The following CA10 variants were observed in gnomAD, a reference collection of about 807,000 sequenced individuals.
CA10 encodes the protein carbonic anhydrase 10 (inactive), also known as carbonic anhydrase-related protein 10.
CA10 carries 14 observed loss-of-function variants against 44.2 expected under a neutral mutation model. That is an observed-to-expected ratio of 0.32 (90% confidence interval 0.21 to 0.50). The LOEUF (loss-of-function observed/expected upper bound fraction) is 0.50. Among genes scored for constraint, CA10 ranks in the 20% least tolerant of loss-of-function variants. CA10 has a pLI of 0.99. For synonymous variants in CA10, 159 were observed against 141.6 expected (o/e 1.12, Z -0.87); for missense variants, 350 against 409.7 (o/e 0.85, Z 1.26).
At chr17:52,123,859 A>G (rs1043121939) in intron 1 of CA10, among the ~76,000 whole-genome samples, 1 of 152,194 alleles carries the variant, frequency 6.6e-6, no homozygotes, top group Non-Finnish European at 1.5e-5. Context: ...AGGCATCAGG[A>G]TTAGAAAACC....
At chr17:51,721,887 C>T (rs775276166) in intron 4 of CA10, among the ~76,000 whole-genome samples, 13 of 152,054 alleles carry the variant, frequency 8.5e-5, no homozygotes, top group Non-Finnish European at 1.3e-4. Flanking sequence ...GTCGCTGCTC[C>T]TGAGTTGTAT....
intron 3 of CA10, among the ~76,000 whole-genome samples, chr17:51,835,578 C>A (rs566858408): frequency 2.6e-5 from 4 of 152,146 alleles, no homozygotes; most frequent in African/African-American, 9.7e-5. Flanking sequence ...CTAAGAAAGG[C>A]GTTGTTATCT....
At chr17:51,985,135 A>G (rs1984784935) in intron 2 of CA10, among the ~76,000 whole-genome samples, 1 of 152,040 alleles carries the variant, frequency 6.6e-6, no homozygotes, top group South Asian at 2.1e-4. Flanking sequence ...TAGCTAACTG[A>G]ATCCAACAAC....
chr17:51,815,619 C>G (rs1948758617), intron 3 of CA10, among the ~76,000 whole-genome samples: 1 of 152,110 alleles, frequency 6.6e-6, no homozygotes, highest in Non-Finnish European at 1.5e-5. Context: ...TTTTTACCAT[C>G]TGCCGGTAAA....
At chr17:51,874,354 T>G (rs1180792456) in intron 3 of CA10, among the ~76,000 whole-genome samples, 1 of 151,544 alleles carries the variant, frequency 6.6e-6, no homozygotes, top group Non-Finnish European at 1.5e-5. Context: ...CATTAAAAAT[T>G]TCTCATCTGA....
At chr17:52,018,174 G>A (rs958000470) in intron 2 of CA10, among the ~76,000 whole-genome samples, 1 of 152,138 alleles carries the variant, frequency 6.6e-6, no homozygotes, top group Admixed American at 6.5e-5. Flanking sequence ...CAGTATAGAG[G>A]GGAAGTGTGG....
chr17:51,996,817 C>A (rs1985253285), intron 2 of CA10, among the ~76,000 whole-genome samples: 1 of 151,954 alleles, frequency 6.6e-6, no homozygotes, highest in Non-Finnish European at 1.5e-5. Context: ...CAAATGAGAG[C>A]AAAAACTTAC....
chr17:52,121,578 A>G (rs978736515), intron 1 of CA10, among the ~76,000 whole-genome samples: 8 of 152,138 alleles, frequency 5.3e-5, no homozygotes, highest in Admixed American at 2.0e-4. Context: ...CATTTCAAAA[A>G]AAAAGAATTG....
chr17:52,055,213 TAAGGA>T (rs1396964730), intron 2 of CA10, among the ~76,000 whole-genome samples: 1 of 151,976 alleles, frequency 6.6e-6, no homozygotes, highest in African/African-American at 2.4e-5. Context: ...AGGACTATCT[TAAGGA>T]AAGAAGGTAA....
intron 3 of CA10, among the ~76,000 whole-genome samples, chr17:51,925,088 T>C (rs922159164): frequency 6.6e-6 from 1 of 152,110 alleles, no homozygotes; most frequent in African/African-American, 2.4e-5. Context: ...GGGGTCTTAT[T>C]ATGTTGCTCA....
rs181298265 is a variant in CA10, at chr17:51,826,273, A to T, written c.280-78455T>A. 2.0e-5 allele frequency among the ~76,000 whole-genome samples: 3 copies of T among 152,326 alleles called. No homozygotes were observed. The East Asian group carries it at 5.8e-4, about 29-fold the overall frequency. ...CTTTCATGGAGATGACCCTTCTGGGACACCGTCAGCAAAGTTCATCATTGA... is the reference window on the plus strand; with the variant it reads ...CTTTCATGGAGATGACCCTTCTGGGTCACCGTCAGCAAAGTTCATCATTGA... On this transcript the variant is annotated intron_variant, in intron 3 of 8. Transcript: ENST00000451037.
intron 2 of CA10, among the ~76,000 whole-genome samples, chr17:51,933,939 C>T (rs1163647992): frequency 3.3e-5 from 5 of 152,090 alleles, no homozygotes; most frequent in African/African-American, 4.8e-5. Context: ...AAACTTTATG[C>T]GAACATCTGC....
At chr17:52,056,426 G>A (rs774875163) in intron 2 of CA10, among the ~76,000 whole-genome samples, 7 of 152,044 alleles carry the variant, frequency 4.6e-5, no homozygotes, top group Non-Finnish European at 8.8e-5. Flanking sequence ...TCATCAAAAC[G>A]GGTCCTTCAA....
rs1220746380 is a variant in CA10 at position 52,158,060 on chromosome 17, GT to G, written c.-275del. ...CTGCCTTGGAGGTCTCCCCGCTCGCGTGTCTCTTCTCTTCGCACCAGCGGCG... is the reference window on the plus strand; with the variant it reads ...CTGCCTTGGAGGTCTCCCCGCTCGCGGTCTCTTCTCTTCGCACCAGCGGCG... On this transcript the variant is annotated 5_prime_UTR_variant, in exon 1 of 9. An upstream open reading frame in the 5' UTR loses its in-frame stop. Transcript: ENST00000451037. 1.8e-6 allele frequency: 1 copy of G among 540,982 alleles called. No individual in the cohort carries two copies. The highest frequency in any genetic ancestry group is 3.3e-6 in the Non-Finnish European group (1 of 302,678). The allele number at this position is 540,982 out of a possible 1,614,324, so 33.5% of individuals were successfully genotyped here.
At chr17:51,636,895 C>T (rs1247846439) in intron 6 of CA10, among the ~76,000 whole-genome samples, 1 of 150,958 alleles carries the variant, frequency 6.6e-6, no homozygotes, top group African/African-American at 2.4e-5. Context: ...TCTTCTATTA[C>T]TAAATACAGT....
chr17:52,021,280 G>T (rs1392579790), intron 2 of CA10, among the ~76,000 whole-genome samples: 4 of 151,992 alleles, frequency 2.6e-5, no homozygotes, highest in African/African-American at 9.7e-5. Context: ...CTGAGTATAG[G>T]TTTCTTTTTG....
At chr17:51,682,011 T>G (rs146416287) in intron 4 of CA10, among the ~76,000 whole-genome samples, 1 of 152,266 alleles carries the variant, frequency 6.6e-6, no homozygotes, top group Non-Finnish European at 1.5e-5. Flanking sequence ...TGACCATAAA[T>G]CTCCAAGCTC....
chr17:52,066,301 T>A (rs979275895), intron 2 of CA10, among the ~76,000 whole-genome samples: 3 of 152,178 alleles, frequency 2.0e-5, no homozygotes, highest in African/African-American at 4.8e-5. Flanking sequence ...ACTTGTTGAA[T>A]GGCTTTGATC....
chr17:51,889,884 A>G (rs1241879211), intron 3 of CA10, among the ~76,000 whole-genome samples: 4 of 152,230 alleles, frequency 2.6e-5, no homozygotes, highest in African/African-American at 9.6e-5. Flanking sequence ...CTGAACACCC[A>G]CTGGAGACAT....
Sources: gnomAD v4.1 joint callset for allele counts (sites outside exome capture counted in the v4.1 genomes callset) on GRCh38, gnomAD v4.1.1 for gene constraint, MANE v1.5 for transcripts, NCBI Gene and HGNC (gene_info 2026-07-23, HGNC 2026-07-21) for gene names.